LRRC36: variants seen among roughly 807,000 people sequenced by gnomAD.
LRRC36 encodes the protein leucine-rich repeat-containing protein 36.
LRRC36 carries 62 observed loss-of-function variants against 81.1 expected under a neutral mutation model. That is an observed-to-expected ratio of 0.76 (90% CI 0.62 to 0.94). LRRC36 has a LOEUF of 0.94. Among genes scored for constraint, LRRC36 ranks in the 40% least tolerant of loss-of-function variants. LRRC36 has a pLI of 0.00. For missense variants in LRRC36, 761 were observed against 881.7 expected (o/e 0.86, Z 1.73); for synonymous variants, 334 against 348.6 (o/e 0.96, Z 0.47).
At chr16:67,370,732 G>A (rs898134442) in intron 8 of LRRC36, among the ~76,000 whole-genome samples, 4 of 151,904 alleles carry the variant, frequency 2.6e-5, no homozygotes, top group Non-Finnish European at 4.4e-5. Flanking sequence ...GAACAGATGC[G>A]TTTTTTTCTC....
intron 4 of LRRC36, among the ~76,000 whole-genome samples, chr16:67,349,229 G>T (rs1454530793): frequency 1.3e-5 from 2 of 151,624 alleles, no homozygotes. Context: ...TATAATGATT[G>T]CAAAACTGGA....
rs1265722880 is a variant in LRRC36 at position 67,342,217 on chromosome 16, A to G, written c.198+133A>G. Reference sequence around the variant, plus strand: ...AAATGATTCCCAACTAAATTTAATTATTTCTTATAAAATTCTTTCAACTTT... The same window carrying G: ...AAATGATTCCCAACTAAATTTAATTGTTTCTTATAAAATTCTTTCAACTTT... On this transcript the variant is annotated intron_variant, in intron 2 of 13. Coordinates refer to ENST00000329956, the MANE Select transcript of LRRC36 (RefSeq NM_018296.6). 5.6e-6 allele frequency: 3 copies of G among 536,700 alleles called. No individual in the cohort carries two copies. In the African/African-American group the frequency reaches 5.9e-5, roughly 11 times the overall value. The allele number at this position is 536,700 out of a possible 1,614,324, so 33.2% of individuals were successfully genotyped here. A position where few individuals can be genotyped will look rare whatever the true frequency, so the allele number is the denominator to read the frequency against.
At position 67,375,213 on chromosome 16, in the gene LRRC36, GT is replaced by G. The variant is rs775550019; in HGVS notation, c.1495-31del. On this transcript the variant is annotated intron_variant, in intron 9 of 13. Transcript: ENST00000329956. ...AGAATGACAAATGGTTGGGTTTTTT[GT>G]TTGTTTGTTTTTGCTTTTTTTTTTC... is the stretch of plus-strand genomic sequence containing the variant. 1.0e-5 allele frequency: 16 copies of G among 1,592,870 alleles called. No individual in the cohort carries two copies. The East Asian group carries it at 2.2e-4, about 22-fold the overall frequency.
At chr16:67,373,989 G>A (rs998854724) in intron 9 of LRRC36, among the ~76,000 whole-genome samples, 1 of 151,578 alleles carries the variant, frequency 6.6e-6, no homozygotes, top group African/African-American at 2.4e-5. Flanking sequence ...GTCCAGCCTG[G>A]GCAATAGAGC....
In LRRC36 at chr16:67,341,960, T is replaced by C. The variant is rs756071408; in HGVS notation, c.74T>C (p.Leu25Pro). Residue 25 changes from leucine (L) to proline (P), a missense_variant, in exon 2 of 14, where the codon CTG (leucine) becomes CCG (proline). This residue lies in a region of LRRC36 where 263 missense variants were observed against 279.3 expected (regional missense o/e 0.94). Coordinates refer to ENST00000329956, the MANE Select transcript of LRRC36 (RefSeq NM_018296.6). Reference sequence around the variant, plus strand: ...TCTACTGATGATCTCTTTTCAGAACTGGTGGAGTCTCTTTCATTGCAGGGA... The same window carrying C: ...TCTACTGATGATCTCTTTTCAGAACCGGTGGAGTCTCTTTCATTGCAGGGA... ...LGALTLEQPE[L>P]VESLSLQGSY... 28 of 1,608,110 alleles carry C rather than the reference T, an allele frequency of 1.7e-5. No homozygotes were observed. The highest frequency in any genetic ancestry group is 2.4e-5 in the Non-Finnish European group (28 of 1,176,454).
At chr16:67,343,388 C>G (rs1398495667) in intron 2 of LRRC36, among the ~76,000 whole-genome samples, 2 of 151,812 alleles carry the variant, frequency 1.3e-5, no homozygotes, top group African/African-American at 4.8e-5. Flanking sequence ...TAGTGAGACC[C>G]CTATCTCTAT....
intron 9 of LRRC36, among the ~76,000 whole-genome samples, chr16:67,374,146 A>G (rs907728823): frequency 2.6e-5 from 4 of 152,060 alleles, no homozygotes; most frequent in African/African-American, 9.7e-5. Context: ...CAGTGTGCCA[A>G]GATCACACCA....
chr16:67,341,869 A>AT, intron 1 of LRRC36, 88 bp from the exon 2 acceptor site: 1 of 1,042,868 alleles, frequency 9.6e-7, no homozygotes, highest in Non-Finnish European at 1.4e-6. Flanking sequence ...CACAGTTGAG[A>AT]TATGGGAGGA....
intron 8 of LRRC36, among the ~76,000 whole-genome samples, chr16:67,369,447 A>G (rs2039543021): frequency 6.6e-6 from 1 of 152,198 alleles, no homozygotes; most frequent in Non-Finnish European, 1.5e-5. Context: ...GTATTTGGCA[A>G]TGAAGAAGAC....
intron 13 of LRRC36, among the ~76,000 whole-genome samples, chr16:67,384,646 G>A (rs2040227725): frequency 6.6e-6 from 1 of 152,262 alleles, no homozygotes; most frequent in South Asian, 2.1e-4. Context: ...TATATAAAAT[G>A]GGAAATGTAT....
intron 8 of LRRC36, among the ~76,000 whole-genome samples, chr16:67,367,822 C>T (rs1311870450): frequency 1.3e-5 from 2 of 151,984 alleles, no homozygotes; most frequent in Non-Finnish European, 2.9e-5. Context: ...GGAGGCTGAG[C>T]CGGGTGGATC....
At chr16:67,372,476 G>A (rs1364388315) in intron 9 of LRRC36, among the ~76,000 whole-genome samples, 2 of 152,120 alleles carry the variant, frequency 1.3e-5, no homozygotes, top group African/African-American at 2.4e-5. Context: ...ATCCCTTGTG[G>A]AGAATGCCTT....
At chr16:67,376,964 C>T (rs1379977094) in intron 11 of LRRC36, 92 bp downstream of exon 11, 1 of 1,355,480 alleles carries the variant, frequency 7.4e-7, no homozygotes, top group African/African-American at 1.5e-5. Flanking sequence ...GAACACCTAA[C>T]CAAAATATGG....
intron 1 of LRRC36, among the ~76,000 whole-genome samples, chr16:67,341,285 T>A (rs1309387894): frequency 7.4e-6 from 1 of 134,368 alleles, no homozygotes; most frequent in South Asian, 2.3e-4. Context: ...CTATCTATAG[T>A]CTATAGACAG....
At position 67,363,695 on chromosome 16, in the gene LRRC36, C is replaced by T; in HGVS notation, c.683C>T (p.Thr228Ile). The stretch of plus-strand genomic sequence containing the variant: ...GGTACACGTGATCAGAAATTAGACA[C>T]CTTCCCACTGGGGACACAGGTAATG... Reference protein sequence around the residue: ...GNGTRDQKLDTFPLGTQTQEV... With the variant: ...GNGTRDQKLDIFPLGTQTQEV... Residue 228 changes from threonine (T) to isoleucine (I), a missense_variant, in exon 6 of 14, where the codon ACC becomes ATC. Thr to Ile is a moderately conservative substitution (Grantham distance 89). Around this residue, in one of 3 missense-constraint regions of LRRC36, gnomAD observed 263 missense variants for 279.3 expected, o/e 0.94. Transcript: ENST00000329956. 1.2e-6 allele frequency: 2 copies of T among 1,613,930 alleles called. No individual in the cohort carries two copies. Among genetic ancestry groups the T allele is most frequent in the South Asian group, 1.1e-5 (1 of 91,080 alleles).
chr16:67,341,716 T>C (rs188039413), intron 1 of LRRC36, among the ~76,000 whole-genome samples: 1 of 152,276 alleles, frequency 6.6e-6, no homozygotes, highest in African/African-American at 2.4e-5. Context: ...TTGAGAACTT[T>C]TGGAGACTTT....
Position 67,326,861 on chromosome 16 carries a change from G to T in LRRC36, c.-2G>T. On this transcript the variant is annotated 5_prime_UTR_variant, in exon 1 of 14. Transcript: ENST00000329956. Reference sequence around the variant, plus strand: ...GCGGTGGCAGGTGAGCGGCGGGCGGGGATGGCGGAGCAATGGGAGCTGGAC... The same window carrying T: ...GCGGTGGCAGGTGAGCGGCGGGCGGTGATGGCGGAGCAATGGGAGCTGGAC... The T allele has an allele frequency of 7.0e-7, 1 of 1,437,044 alleles. No homozygotes were observed. The allele number at this position is 1,437,044 out of a possible 1,614,324, so 89.0% of individuals were successfully genotyped here.
rs552982557 is a variant in LRRC36 at position 67,377,396 on chromosome 16, T to C, written c.1806+524T>C. On this transcript the variant is annotated intron_variant, in intron 11 of 13. Transcript: ENST00000329956. Reference sequence around the variant, plus strand: ...CCCAGCCTCGAGCGCAGTGGCACGATCTCGGCTCACTGCAACCTCTGCCCC... The same window carrying C: ...CCCAGCCTCGAGCGCAGTGGCACGACCTCGGCTCACTGCAACCTCTGCCCC... 5.3e-5 allele frequency among the ~76,000 whole-genome samples: 8 copies of C among 152,304 alleles called. No homozygotes were observed. The South Asian group carries it at 1.7e-3, about 32-fold the overall frequency.
chr16:67,369,718 TGGTGGCA>T (rs2039552475), intron 8 of LRRC36, among the ~76,000 whole-genome samples: 1 of 152,204 alleles, frequency 6.6e-6, no homozygotes, highest in African/African-American at 2.4e-5. Flanking sequence ...ACGTCTTACA[TGGTGGCA>T]GGCAAGAGAG....
Sources: allele counts gnomAD v4.1 joint callset (sites outside exome capture counted in the v4.1 genomes callset), GRCh38; gene constraint gnomAD v4.1.1; regional missense constraint gnomAD v4.1.1; transcripts MANE v1.5; gene names NCBI Gene and HGNC (gene_info 2026-07-23, HGNC 2026-07-21).